Variants in CDK14 observed in about 807,000 individuals in gnomAD.
The protein encoded by CDK14 is cyclin dependent kinase 14, also known as cyclin-dependent kinase 14.
In CDK14, 34 loss-of-function variants were observed where a neutral mutation model predicts 60.7. The observed-to-expected ratio is 0.56, with a 90% CI of 0.43 to 0.75. The LOEUF (loss-of-function observed/expected upper bound fraction) is 0.75. CDK14 is among the 30% of genes least tolerant of loss of function. CDK14 has a pLI of 0.00. For synonymous variants in CDK14, 197 were observed against 203.7 expected (o/e 0.97, Z 0.28); for missense variants, 482 against 564.1 (o/e 0.85, Z 1.47).
intron 5 of CDK14, among the ~76,000 whole-genome samples, chr7:90,850,964 T>C (rs1380129999): frequency 6.6e-6 from 1 of 152,176 alleles, no homozygotes; most frequent in Non-Finnish European, 1.5e-5. Flanking sequence ...TGATGTCCTT[T>C]TAGTCTTCTT....
intron 5 of CDK14, among the ~76,000 whole-genome samples, chr7:90,813,484 A>G (rs544093662): frequency 6.6e-6 from 1 of 152,332 alleles, no homozygotes; most frequent in South Asian, 2.1e-4. Context: ...GTGGTGGCTC[A>G]TGCCTGTAAT....
intron 5 of CDK14, among the ~76,000 whole-genome samples, chr7:90,844,559 A>G (rs1276243145): frequency 2.0e-5 from 3 of 152,232 alleles, no homozygotes; most frequent in Admixed American, 1.3e-4. Context: ...TAGATAGAAA[A>G]TTATCTGTTT....
chr7:90,736,344 G>GCTT (rs1563063351), intron 3 of CDK14, among the ~76,000 whole-genome samples: 6 of 41,028 alleles, frequency 1.5e-4, no homozygotes, highest in African/African-American at 4.5e-4. Context: ...ACTTTATTAT[G>GCTT]TTTTTGTTTT....
At chr7:90,822,818 G>T (rs765216275) in intron 5 of CDK14, among the ~76,000 whole-genome samples, 5 of 152,174 alleles carry the variant, frequency 3.3e-5, no homozygotes, top group Non-Finnish European at 7.3e-5. Flanking sequence ...CGTGGAAGGG[G>T]CAGTCTTTAG....
chr7:90,949,799 A>C (rs1794201793), intron 8 of CDK14, among the ~76,000 whole-genome samples: 1 of 152,218 alleles, frequency 6.6e-6, no homozygotes, highest in South Asian at 2.1e-4. Context: ...AAAGGAAAGA[A>C]AAGGATATTT....
intron 2 of CDK14, among the ~76,000 whole-genome samples, chr7:90,613,525 A>G (rs1799586135): frequency 6.6e-6 from 1 of 151,818 alleles, no homozygotes; most frequent in Non-Finnish European, 1.5e-5. Flanking sequence ...TGTGTCTACT[A>G]AAAATACAAA....
At chr7:90,808,568 A>G (rs1452467401) in intron 5 of CDK14, among the ~76,000 whole-genome samples, 1 of 152,214 alleles carries the variant, frequency 6.6e-6, no homozygotes, top group African/African-American at 2.4e-5. Context: ...CTAACGAGCA[A>G]AATAACCAGC....
chr7:90,959,000 T>G (rs1028675058), intron 9 of CDK14, among the ~76,000 whole-genome samples: 4 of 152,186 alleles, frequency 2.6e-5, no homozygotes, highest in Non-Finnish European at 5.9e-5. Flanking sequence ...GCTCAGTATT[T>G]GATTTCCAGC....
intron 2 of CDK14, among the ~76,000 whole-genome samples, chr7:90,637,336 C>G (rs1800178322): frequency 6.6e-6 from 1 of 151,970 alleles, no homozygotes; most frequent in African/African-American, 2.4e-5. Context: ...TATGTTGTGT[C>G]TTTGTTCTTG....
chr7:90,901,153 A>G (rs1792492592), intron 7 of CDK14, among the ~76,000 whole-genome samples: 2 of 152,118 alleles, frequency 1.3e-5, no homozygotes, highest in African/African-American at 4.8e-5. Flanking sequence ...TCACATGGTC[A>G]TTCATCATAC....
chr7:90,800,306 A>G (rs1788589372), intron 5 of CDK14, among the ~76,000 whole-genome samples: 1 of 152,200 alleles, frequency 6.6e-6, no homozygotes, highest in Non-Finnish European at 1.5e-5. Context: ...TTTTATTTCA[A>G]ATATTTGGAA....
chr7:90,991,494 A>G (rs1795532496), intron 10 of CDK14, among the ~76,000 whole-genome samples: 1 of 152,128 alleles, frequency 6.6e-6, no homozygotes, highest in Non-Finnish European at 1.5e-5. Flanking sequence ...ATGAAGGGTA[A>G]GAACAGAAAA....
intron 14 of CDK14, among the ~76,000 whole-genome samples, chr7:91,143,419 T>C (rs903441954): frequency 6.6e-6 from 1 of 152,152 alleles, no homozygotes; most frequent in South Asian, 2.1e-4. Context: ...AATTGTAAGG[T>C]TAATAATAAT....
intron 2 of CDK14, among the ~76,000 whole-genome samples, chr7:90,628,686 T>A (rs12535067): frequency 1.3e-5 from 2 of 151,730 alleles, no homozygotes. Context: ...AAAAAACAAC[T>A]TAGACAGGCA....
chr7:91,078,102 T>C (rs892173603), intron 11 of CDK14, among the ~76,000 whole-genome samples: 3 of 152,096 alleles, frequency 2.0e-5, no homozygotes, highest in Non-Finnish European at 4.4e-5. Context: ...AAATGTAAAA[T>C]ATGCATACCG....
intron 2 of CDK14, among the ~76,000 whole-genome samples, chr7:90,681,085 TCTC>T: frequency 6.6e-6 from 1 of 152,220 alleles, no homozygotes; most frequent in Non-Finnish European, 1.5e-5. Context: ...GAGTTTTAAT[TCTC>T]CTCTTATGTT....
intron 2 of CDK14, among the ~76,000 whole-genome samples, chr7:90,640,200 C>T (rs971887498): frequency 1.3e-5 from 2 of 152,080 alleles, no homozygotes; most frequent in African/African-American, 2.4e-5. Flanking sequence ...AGAAATCACC[C>T]GTCTTCTGCG....
intron 14 of CDK14, among the ~76,000 whole-genome samples, chr7:91,173,545 C>G (rs1356543271): frequency 1.3e-5 from 2 of 152,116 alleles, no homozygotes; most frequent in African/African-American, 2.4e-5. Flanking sequence ...TCTGAGGTAC[C>G]GGGTTCATCT....
At chr7:90,871,091 C>G (rs921833041) in intron 6 of CDK14, among the ~76,000 whole-genome samples, 2 of 151,914 alleles carry the variant, frequency 1.3e-5, no homozygotes, top group Non-Finnish European at 2.9e-5. Flanking sequence ...TTGTCCTTGT[C>G]CTTGTTCTAT....
Sources: allele counts gnomAD v4.1 joint callset (sites outside exome capture counted in the v4.1 genomes callset), GRCh38; gene constraint gnomAD v4.1.1; transcripts MANE v1.5; gene names NCBI Gene and HGNC (gene_info 2026-07-23, HGNC 2026-07-21).